Variants in LIPI observed in about 807,000 individuals in gnomAD.
LIPI encodes the protein lipase I.
LIPI carries 59 observed loss-of-function variants against 50.6 expected under a neutral mutation model. The observed-to-expected ratio is 1.16, with a 90% CI of 0.94 to 1.45. The LOEUF is 1.45. Ranked by LOEUF, LIPI falls within the 40% of genes most tolerant of loss-of-function variation. The pLI is 0.00. For missense variants in LIPI, 586 were observed against 536.3 expected, an observed-to-expected ratio of 1.09 and a Z score of -0.92; for synonymous variants, 203 against 178.2, an observed-to-expected ratio of 1.14 and a Z score of -1.11.
At chr21:14,200,696 T>G (rs2020022951) in intron 1 of LIPI, among the ~76,000 whole-genome samples, 1 of 151,942 alleles carries the variant, frequency 6.6e-6, no homozygotes, top group African/African-American at 2.4e-5. Flanking sequence ...CCAAAGCAAT[T>G]TATAGATTCA....
chr21:14,161,993 A>C (rs2018514326), intron 7 of LIPI, among the ~76,000 whole-genome samples: 2 of 143,664 alleles, frequency 1.4e-5, no homozygotes, highest in African/African-American at 5.1e-5. Flanking sequence ...TCATCCCTGT[A>C]GCATATATCA....
chr21:14,111,848 GTTTTGT>G (rs2016426686), intron 9 of LIPI, among the ~76,000 whole-genome samples: 1 of 113,058 alleles, frequency 8.8e-6, no homozygotes, highest in Non-Finnish European at 1.9e-5. Flanking sequence ...TTTTCATTTT[GTTTTGT>G]TTTTTTAAAA....
intron 1 of LIPI, among the ~76,000 whole-genome samples, chr21:14,202,248 C>G (rs2020080966): frequency 6.6e-6 from 1 of 152,110 alleles, no homozygotes; most frequent in South Asian, 2.1e-4. Flanking sequence ...GTGAAAATGG[C>G]CATACTGCCC....
chr21:14,172,898 T>C (rs2018969724), intron 4 of LIPI, among the ~76,000 whole-genome samples: 1 of 151,934 alleles, frequency 6.6e-6, no homozygotes, highest in Non-Finnish European at 1.5e-5. Context: ...GAAAAAAGAA[T>C]AGAGCAAAAT....
intron 1 of LIPI, among the ~76,000 whole-genome samples, chr21:14,195,530 G>C (rs2019815467): frequency 6.6e-6 from 1 of 152,072 alleles, no homozygotes; most frequent in Admixed American, 6.6e-5. Context: ...CTCATTATCT[G>C]GCAAAGGACA....
At chr21:14,180,356 A>T (rs750039248) in intron 4 of LIPI, among the ~76,000 whole-genome samples, 1 of 152,146 alleles carries the variant, frequency 6.6e-6, no homozygotes, top group Non-Finnish European at 1.5e-5. Flanking sequence ...TCCCTTTTTA[A>T]AACCCTTAAT....
chr21:14,130,339 AAGAG>A (rs752097414), intron 9 of LIPI, among the ~76,000 whole-genome samples: 2 of 151,002 alleles, frequency 1.3e-5, no homozygotes, highest in Admixed American at 6.6e-5. Flanking sequence ...GACTCTGTCT[AAGAG>A]AGAGAGAGAG....
chr21:14,120,673 C>T (rs1242479516), intron 9 of LIPI, among the ~76,000 whole-genome samples: 1 of 152,180 alleles, frequency 6.6e-6, no homozygotes, highest in African/African-American at 2.4e-5. Flanking sequence ...CTTGCAGAGA[C>T]TCCTAACTAC....
At chr21:14,167,605 A>G (rs898944114) in intron 4 of LIPI, among the ~76,000 whole-genome samples, 4 of 152,190 alleles carry the variant, frequency 2.6e-5, no homozygotes. Flanking sequence ...AGGCAAACAG[A>G]GTCTGGAGTG....
intron 4 of LIPI, among the ~76,000 whole-genome samples, chr21:14,177,395 A>G (rs922593962): frequency 2.6e-5 from 4 of 151,960 alleles, no homozygotes; most frequent in African/African-American, 9.7e-5. Context: ...GACAGCCATA[A>G]TATTTTAATT....
chr21:14,119,921 T>A (rs1273616987), intron 9 of LIPI, among the ~76,000 whole-genome samples: 4 of 152,118 alleles, frequency 2.6e-5, no homozygotes, highest in Non-Finnish European at 4.4e-5. Flanking sequence ...CCCCACACAG[T>A]TGTCACCCTG....
intron 7 of LIPI, among the ~76,000 whole-genome samples, chr21:14,155,906 A>T (rs1224569456): frequency 6.6e-6 from 1 of 152,004 alleles, no homozygotes; most frequent in Non-Finnish European, 1.5e-5. Flanking sequence ...GAGAATAAAT[A>T]TGGGTACATA....
At chr21:14,183,270 A>G (rs1303778051) in intron 3 of LIPI, among the ~76,000 whole-genome samples, 2 of 152,172 alleles carry the variant, frequency 1.3e-5, no homozygotes, top group East Asian at 3.8e-4. Context: ...CTGGCTAGCC[A>G]TATGTAGAAA....
intron 3 of LIPI, among the ~76,000 whole-genome samples, chr21:14,185,047 C>CT (rs555673509): frequency 1.3e-4 from 20 of 151,834 alleles, no homozygotes; most frequent in African/African-American, 3.1e-4. Context: ...TGAATAATTG[C>CT]TTTTTTTTCA....
chr21:14,169,772 A>C (rs1350175453), intron 4 of LIPI, among the ~76,000 whole-genome samples: 2 of 152,218 alleles, frequency 1.3e-5, no homozygotes, highest in Non-Finnish European at 2.9e-5. Context: ...GAAAGATCCA[A>C]AATTGACACC....
chr21:14,177,519 T>C (rs1259600848), intron 4 of LIPI, among the ~76,000 whole-genome samples: 1 of 152,084 alleles, frequency 6.6e-6, no homozygotes, highest in Non-Finnish European at 1.5e-5. Context: ...TTTCTTGCCT[T>C]CTTTTAGACT....
chr21:14,171,525 T>C (rs2018906582), intron 4 of LIPI, among the ~76,000 whole-genome samples: 1 of 149,852 alleles, frequency 6.7e-6, no homozygotes, highest in African/African-American at 2.4e-5. Context: ...GAGATATAGA[T>C]CAATGGAACA....
At chr21:14,128,469 T>A (rs540472988) in intron 9 of LIPI, among the ~76,000 whole-genome samples, 21 of 152,068 alleles carry the variant, frequency 1.4e-4, no homozygotes, top group Non-Finnish European at 2.7e-4. Context: ...GGATTTCTAT[T>A]TCTTAAACTA....
chr21:14,201,724 ATATC>A (rs1342222611), intron 1 of LIPI, among the ~76,000 whole-genome samples: 1 of 152,186 alleles, frequency 6.6e-6, no homozygotes, highest in Non-Finnish European at 1.5e-5. Context: ...CCCACAGCCA[ATATC>A]ATAGTGAGTG....
Sources: gnomAD v4.1 joint callset for allele counts (sites outside exome capture counted in the v4.1 genomes callset) on GRCh38, gnomAD v4.1.1 for gene constraint, MANE v1.5 for transcripts, NCBI Gene and HGNC (gene_info 2026-07-23, HGNC 2026-07-21) for gene names.